The following ANKRD33 variants were observed in gnomAD, a reference collection of about 807,000 sequenced individuals.
ANKRD33 encodes ankyrin repeat domain 33, also known as photoreceptor ankyrin repeat protein.
ANKRD33 carries 20 observed loss-of-function variants against 20.6 expected under a neutral mutation model. That is an observed-to-expected ratio of 0.97 (90% confidence interval 0.68 to 1.41). The LOEUF (loss-of-function observed/expected upper bound fraction) is 1.41. ANKRD33 is among the 40% of genes most tolerant of loss of function. ANKRD33 has a pLI of 0.00. For synonymous variants in ANKRD33, 246 were observed against 245.0 expected, an observed-to-expected ratio of 1.00 and a Z score of -0.04; for missense variants, 545 against 579.6, an observed-to-expected ratio of 0.94 and a Z score of 0.61.
In ANKRD33 at chr12:51,890,505, C is replaced by T. The variant is rs1364129455; in HGVS notation, c.638-79C>T. The stretch of plus-strand genomic sequence containing the variant: ...GGCTTCGAATGTAACCCACATCAGT[C>T]TTGCTCCTAAAGAATCTGCCCTTCC... On this transcript the variant is annotated intron_variant, in intron 4 of 4. Transcript: ENST00000301190. 8 of 1,541,566 alleles carry T rather than the reference C, an allele frequency of 5.2e-6. No individual in the cohort carries two copies. In the East Asian group the frequency reaches 1.9e-4, roughly 37 times the overall value.
chr12:51,888,890 C>T (rs1940311685), intron 2 of ANKRD33, 72 bp downstream of exon 2: 1 of 1,599,738 alleles, frequency 6.3e-7, no homozygotes, highest in East Asian at 2.2e-5. Flanking sequence ...TGGCCTGGCT[C>T]CCTGAGAGGG....
In ANKRD33 at chr12:51,888,240, C is replaced by A. The variant is rs1357015531; in HGVS notation, c.54C>A (p.His18Gln). ...TTGCTTCCTGGGGAGGGATAGTCCACCTGGAGGCATTCGGAGACCCAGTGA... is the reference window on the plus strand; with the variant it reads ...TTGCTTCCTGGGGAGGGATAGTCCAACTGGAGGCATTCGGAGACCCAGTGA... ...TCVASWGGIVHLEAFGDPVIV... is the reference protein window; with the variant it reads ...TCVASWGGIVQLEAFGDPVIV... The change falls in exon 1 of 5, where the codon CAC becomes CAA. Residue 18 changes from histidine to glutamine, a missense_variant. His to Gln is a conservative substitution (Grantham distance 24). Coordinates refer to ENST00000301190, the MANE Select transcript of ANKRD33 (RefSeq NM_182608.4). 2.5e-6 allele frequency: 4 copies of A among 1,614,112 alleles called. No homozygotes were observed. In the Admixed American group the frequency reaches 5.0e-5, roughly 20 times the overall value.
chr12:51,890,888 C>T lies in ANKRD33; in HGVS notation c.942C>T (p.Ser314=), dbSNP rs1456438252. Reference sequence around the variant, plus strand: ...ACCACCTTGTGACTGCCACAACCAGCCTGGCCAGTCCCTTCGTCACCACTG... The same window carrying T: ...ACCACCTTGTGACTGCCACAACCAGTCTGGCCAGTCCCTTCGTCACCACTG... ...VLDHLVTATT[S]LASPFVTTAC... The change falls in exon 5 of 5, where the codon AGC becomes AGT. Residue 314 remains serine, a synonymous_variant. Coordinates refer to ENST00000301190, the MANE Select transcript of ANKRD33 (RefSeq NM_182608.4). 16 of 1,613,366 alleles carry T rather than the reference C, an allele frequency of 9.9e-6. No individual in the cohort carries two copies. In the South Asian group the frequency reaches 1.5e-4, roughly 15 times the overall value.
At position 51,888,321 on chromosome 12, in the gene ANKRD33, A is replaced by G. The variant is rs1278320949; in HGVS notation, c.135A>G (p.Leu45=). The part of the protein sequence containing the change: ...VPRVDCLIDT[L]RTPNASCMRK... ...GCGTTGACTGCCTCATAGATACCCT[A>G]CGAACCCCAAGTAAGAAAAAACGAC... The change falls in exon 1 of 5, where the codon CTA becomes CTG. Residue 45 remains leucine (L), a synonymous_variant. Transcript: ENST00000301190. 7.5e-6 allele frequency: 12 copies of G among 1,603,098 alleles called. No homozygotes were observed. The highest frequency in any genetic ancestry group is 9.4e-6 in the Non-Finnish European group (11 of 1,173,716).
At chr12:51,890,046 TCTGGGGGACCCCTGCCTCC>T in intron 4 of ANKRD33, 1 of 248,610 alleles carries the variant, frequency 4.0e-6, no homozygotes, top group African/African-American at 2.2e-5. Flanking sequence ...TGCTGGTCAC[TCTGGGGGACCCCTGCCTCC>T]ATTTTTCCCT....
rs76144850 is a variant in ANKRD33 at position 51,888,891 on chromosome 12, C to T, written c.396+73C>T. 22 of 1,599,736 alleles carry T rather than the reference C, an allele frequency of 1.4e-5. 1 individual carries two copies. In the East Asian group the frequency reaches 4.9e-4, roughly 36 times the overall value. On this transcript the variant is annotated intron_variant, in intron 2 of 4. Transcript: ENST00000301190. ...CCACCACACCGTCCTGGCCTGGCTCCCTGAGAGGGGTTCAGGGGCAATACC... is the reference window on the plus strand; with the variant it reads ...CCACCACACCGTCCTGGCCTGGCTCTCTGAGAGGGGTTCAGGGGCAATACC...
In ANKRD33 at chr12:51,888,639, A is replaced by G; in HGVS notation, c.217A>G (p.Arg73Gly). Reference sequence around the variant, plus strand: ...GGAAGAGGAAGAGCTGGCATTGCACAGGAGACGGCTGGACATGTCTGAGGC... The same window carrying G: ...GGAAGAGGAAGAGCTGGCATTGCACGGGAGACGGCTGGACATGTCTGAGGC... ...CLEEEELALH[R>G]RRLDMSEALP... The change falls in exon 2 of 5, where the codon AGG (arginine) becomes GGG (glycine). Residue 73 changes from arginine (R) to glycine (G), a missense_variant. Coordinates refer to ENST00000301190, the MANE Select transcript of ANKRD33 (RefSeq NM_182608.4). 1 of 1,599,092 alleles carries G rather than the reference A, an allele frequency of 6.3e-7. No individual in the cohort carries two copies. Among genetic ancestry groups the G allele is most frequent in the Non-Finnish European group, 8.5e-7 (1 of 1,172,990 alleles).
At position 51,889,197 on chromosome 12, in the gene ANKRD33, G is replaced by T; in HGVS notation, c.526+1G>T. ...GCCCTCATGTTGGCTGCCCAAGCAG[G>T]TGTGAGGCTGCTGCACCCCACTTCC... On this transcript the variant is annotated splice_donor_variant, in intron 3 of 4. Coordinates refer to ENST00000301190, the MANE Select transcript of ANKRD33 (RefSeq NM_182608.4). LOFTEE classifies it high-confidence loss of function. The T allele has an allele frequency of 1.2e-6, 2 of 1,614,186 alleles. No individual in the cohort carries two copies. Among genetic ancestry groups the T allele is most frequent in the East Asian group, 2.2e-5 (1 of 44,878 alleles).
At position 51,889,258 on chromosome 12, in the gene ANKRD33, C is replaced by G. The variant is rs1565583774; in HGVS notation, c.526+62C>G. ...TTTTGATGCAGACAGGGCCTCAGCC[C>G]CACCCTTGTTGCACGGTGTTCTACA... On this transcript the variant is annotated intron_variant, in intron 3 of 4. Transcript: ENST00000301190. 5 of 1,612,354 alleles carry G rather than the reference C, an allele frequency of 3.1e-6. No individual in the cohort carries two copies. The South Asian group carries it at 3.3e-5, about 11-fold the overall frequency.
At position 51,888,284 on chromosome 12, in the gene ANKRD33, G is replaced by A. The variant is rs375424016; in HGVS notation, c.98G>A (p.Trp33Ter). The change falls in exon 1 of 5, where the codon TGG becomes TAG. Residue 33 changes from tryptophan (W) to a stop codon, truncating the protein, a stop_gained. Transcript: ENST00000301190. LOFTEE classifies it high-confidence loss of function. ...GDPVIVLRGA[W>*]AVPRVDCLID... ...CCAGTGATTGTGCTCCGCGGAGCCTGGGCTGTGCCCCGCGTTGACTGCCTC... is the reference window on the plus strand; with the variant it reads ...CCAGTGATTGTGCTCCGCGGAGCCTAGGCTGTGCCCCGCGTTGACTGCCTC... 3 of 1,614,056 alleles carry A rather than the reference G, an allele frequency of 1.9e-6. No individual in the cohort carries two copies. Among genetic ancestry groups the A allele is most frequent in the Admixed American group, 3.3e-5 (2 of 60,006 alleles).
Position 51,890,837 on chromosome 12 carries a change from G to T in ANKRD33, c.891G>T (p.Pro297=), listed in dbSNP as rs201364500. 1 of 1,611,888 alleles carries T rather than the reference G, an allele frequency of 6.2e-7. No homozygotes were observed. The highest frequency in any genetic ancestry group is 2.2e-5 in the East Asian group (1 of 44,864). The change falls in exon 5 of 5, where the codon CCG becomes CCT. Residue 297 remains proline, a synonymous_variant. Transcript: ENST00000301190. The part of the protein sequence containing the change: ...LQATLSLPFA[P]SPQEGGVLDH... ...CTACCTTGAGCCTCCCCTTTGCCCC[G>T]TCTCCTCAGGAGGGGGGTGTTCTGG...
chr12:51,888,273 C>T lies in ANKRD33; in HGVS notation c.87C>T (p.Leu29=), dbSNP rs372018962. The T allele has an allele frequency of 3.3e-5, 54 of 1,614,046 alleles. No individual in the cohort carries two copies. The highest frequency in any genetic ancestry group is 4.1e-5 in the Non-Finnish European group (48 of 1,180,018). ...CATTCGGAGACCCAGTGATTGTGCT[C>T]CGCGGAGCCTGGGCTGTGCCCCGCG... ...LEAFGDPVIV[L]RGAWAVPRVD... is the part of the protein sequence containing the mutation. The change falls in exon 1 of 5, where the codon CTC becomes CTT. Residue 29 remains leucine (L), a synonymous_variant. Coordinates refer to ENST00000301190, the MANE Select transcript of ANKRD33 (RefSeq NM_182608.4).
intron 1 of ANKRD33, 31 bp from the exon 2 acceptor site, chr12:51,888,537 A>C: frequency 6.5e-7 from 1 of 1,545,912 alleles, no homozygotes. Flanking sequence ...CCAGGGAGAC[A>C]CTCACTACTC....
rs1476160240 is a variant in ANKRD33, at chr12:51,890,633, A to G, written c.687A>G (p.Glu229=). 2 of 1,609,936 alleles carry G rather than the reference A, an allele frequency of 1.2e-6. No individual in the cohort carries two copies. The highest frequency in any genetic ancestry group is 1.7e-6 in the Non-Finnish European group (2 of 1,180,000). ...CTGTTCGGGGCAAGACGGCCCTGGA[A>G]TGGGCAGTGCTGACCGACAGCTTCG... ...VDPVRGKTAL[E]WAVLTDSFDT... Residue 229 remains glutamate, a synonymous_variant, in exon 5 of 5, where the codon GAA becomes GAG. Coordinates refer to ENST00000301190, the MANE Select transcript of ANKRD33 (RefSeq NM_182608.4).
rs1192330718 is a variant in ANKRD33, at chr12:51,888,821, G to A, written c.396+3G>A. 6.2e-7 allele frequency: 1 copy of A among 1,612,516 alleles called. No individual in the cohort carries two copies. The highest frequency in any genetic ancestry group is 8.5e-7 in the Non-Finnish European group (1 of 1,179,926). On this transcript the variant is annotated splice_donor_region_variant and intron_variant, in intron 2 of 4. Coordinates refer to ENST00000301190, the MANE Select transcript of ANKRD33 (RefSeq NM_182608.4). Reference sequence around the variant, plus strand: ...CCCAGGTGGACAGCAATGGGAGGGTGAGATGTCCTGGCTTCCCAGAACAGC... The same window carrying A: ...CCCAGGTGGACAGCAATGGGAGGGTAAGATGTCCTGGCTTCCCAGAACAGC...
intron 3 of ANKRD33, 71 bp downstream of exon 3, chr12:51,889,267 T>C: frequency 6.2e-7 from 1 of 1,611,224 alleles, no homozygotes; most frequent in Non-Finnish European, 8.5e-7. Context: ...CCCACCCTTG[T>C]TGCACGGTGT....
intron 1 of ANKRD33, 84 bp downstream of exon 1, chr12:51,888,415 C>T: frequency 1.9e-6 from 3 of 1,590,140 alleles, no homozygotes; most frequent in Non-Finnish European, 2.6e-6. Context: ...GGGCTCCTGA[C>T]CCAGCGCTTG....
intron 1 of ANKRD33, 57 bp downstream of exon 1, chr12:51,888,388 T>C: frequency 6.2e-7 from 1 of 1,606,864 alleles, no homozygotes; most frequent in Non-Finnish European, 8.5e-7. Context: ...TGACCTAGAG[T>C]GAACCCTGCT....
At position 51,888,226 on chromosome 12, in the gene ANKRD33, G is replaced by A. The variant is rs759513632; in HGVS notation, c.40G>A (p.Gly14Arg). 1.2e-6 allele frequency: 2 copies of A among 1,614,202 alleles called. No homozygotes were observed. The highest frequency in any genetic ancestry group is 2.2e-5 in the East Asian group (1 of 44,886). ...QPSVTCVASWGGIVHLEAFGD... is the reference protein window; with the variant it reads ...QPSVTCVASWRGIVHLEAFGD... Reference sequence around the variant, plus strand: ...ATCTGTTACCTGCGTTGCTTCCTGGGGAGGGATAGTCCACCTGGAGGCATT... The same window carrying A: ...ATCTGTTACCTGCGTTGCTTCCTGGAGAGGGATAGTCCACCTGGAGGCATT... Residue 14 changes from glycine (G) to arginine (R), a missense_variant, in exon 1 of 5, where the codon GGA becomes AGA. Gly to Arg is a moderately radical substitution (Grantham distance 125). Coordinates refer to ENST00000301190, the MANE Select transcript of ANKRD33 (RefSeq NM_182608.4).
Sources: allele counts gnomAD v4.1 joint callset, GRCh38; gene constraint gnomAD v4.1.1; transcripts MANE v1.5; gene names NCBI Gene and HGNC (gene_info 2026-07-23, HGNC 2026-07-21).